CDIN1: variants seen among roughly 807,000 people sequenced by gnomAD.
The protein encoded by CDIN1 is CDAN1 interacting nuclease 1.
A neutral mutation model predicts 45.3 loss-of-function variants in CDIN1; 33 were observed. That is an observed-to-expected ratio of 0.73 (90% CI 0.55 to 0.97). The LOEUF (loss-of-function observed/expected upper bound fraction) is 0.97, where lower values mean the gene tolerates loss of function less well. Among genes scored for constraint, CDIN1 ranks in the 50% least tolerant of loss-of-function variants. The pLI, the probability that CDIN1 is intolerant of heterozygous loss-of-function variation, is 0.00. For missense variants in CDIN1, 303 were observed against 339.4 expected (o/e 0.89, Z 0.84); for synonymous variants, 118 against 124.4 (o/e 0.95, Z 0.34).
At chr15:36,801,767 T>G (rs75352691) in intron 10 of CDIN1, among the ~76,000 whole-genome samples, 13,693 of 152,290 alleles carry the variant, frequency 0.09, 695 homozygotes, top group African/African-American at 0.13. Context: ...TTCCACCTGT[T>G]TGTCAAAGGT....
intron 1 of CDIN1, among the ~76,000 whole-genome samples, chr15:36,605,011 A>T (rs947055583): frequency 5.9e-5 from 9 of 152,202 alleles, no homozygotes; most frequent in African/African-American, 2.2e-4. Flanking sequence ...AGACGGAAGT[A>T]AGGAAGGACA....
chr15:36,779,515 T>G (rs547082307), intron 10 of CDIN1, among the ~76,000 whole-genome samples: 1 of 152,316 alleles, frequency 6.6e-6, no homozygotes, highest in South Asian at 2.1e-4. Flanking sequence ...AAAATGTAGA[T>G]TCCTGAGCCT....
intron 1 of CDIN1, among the ~76,000 whole-genome samples, chr15:36,587,854 A>T (rs2037380028): frequency 6.6e-6 from 1 of 152,214 alleles, no homozygotes; most frequent in Non-Finnish European, 1.5e-5. Context: ...ACCCAAGTAA[A>T]GTCAGGCTCC....
rs143381947 is a variant in CDIN1 at position 36,766,512 on chromosome 15, C to T, written c.717-41812C>T. On this transcript the variant is annotated intron_variant, in intron 10 of 10. Coordinates refer to ENST00000566621, the MANE Select transcript of CDIN1 (RefSeq NM_001321759.2). Reference sequence around the variant, plus strand: ...TTTTCATAGTGGATGTACCATTTTACATTTCCCTCCAACAGCATACAAAGG... The same window carrying T: ...TTTTCATAGTGGATGTACCATTTTATATTTCCCTCCAACAGCATACAAAGG... Among the ~76,000 whole-genome samples, 275 of 152,308 alleles carry T rather than the reference C, an allele frequency of 1.8e-3. 2 individuals carry two copies. Among genetic ancestry groups the T allele is most frequent in the African/African-American group, 6.1e-3 (255 of 41,560 alleles).
intron 1 of CDIN1, among the ~76,000 whole-genome samples, chr15:36,591,394 A>G (rs1253146309): frequency 1.3e-5 from 2 of 152,226 alleles, no homozygotes; most frequent in South Asian, 2.1e-4. Flanking sequence ...AAGATGGTAA[A>G]TGGACTGGGA....
intron 4 of CDIN1, among the ~76,000 whole-genome samples, chr15:36,657,373 A>G (rs981303945): frequency 3.3e-5 from 5 of 152,146 alleles, no homozygotes; most frequent in African/African-American, 7.2e-5. Context: ...TGGATTTGTC[A>G]TATAAGGACA....
intron 1 of CDIN1, among the ~76,000 whole-genome samples, chr15:36,592,500 C>A (rs12907269): frequency 0.87 from 132,105 of 152,044 alleles, 57,492 homozygotes; most frequent in Middle Eastern, 0.96. Flanking sequence ...GATGTTTTTA[C>A]ACCCCCTTTG....
At chr15:36,739,805 T>A (rs2044166731) in intron 10 of CDIN1, among the ~76,000 whole-genome samples, 1 of 152,200 alleles carries the variant, frequency 6.6e-6, no homozygotes, top group Non-Finnish European at 1.5e-5. Flanking sequence ...ACAAAAACCA[T>A]GTTATTGAAT....
intron 10 of CDIN1, among the ~76,000 whole-genome samples, chr15:36,743,316 A>C (rs2044303244): frequency 2.6e-5 from 4 of 152,236 alleles, no homozygotes; most frequent in Admixed American, 2.6e-4. Flanking sequence ...AGAAATAAGC[A>C]GTAGATAATC....
At chr15:36,748,451 C>T (rs1044774113) in intron 10 of CDIN1, among the ~76,000 whole-genome samples, 1 of 152,142 alleles carries the variant, frequency 6.6e-6, no homozygotes, top group Non-Finnish European at 1.5e-5. Flanking sequence ...GAAACCGGTG[C>T]ACTAACAAAC....
chr15:36,723,849 A>G (rs2043525095), intron 10 of CDIN1, among the ~76,000 whole-genome samples: 1 of 152,252 alleles, frequency 6.6e-6, no homozygotes, highest in Non-Finnish European at 1.5e-5. Context: ...CATATTATAT[A>G]TTTCAGCGCA....
At chr15:36,792,201 C>G (rs773572602) in intron 10 of CDIN1, among the ~76,000 whole-genome samples, 1 of 152,182 alleles carries the variant, frequency 6.6e-6, no homozygotes, top group Non-Finnish European at 1.5e-5. Flanking sequence ...CAGCCCCAGC[C>G]CTGGTGGCTC....
chr15:36,651,314 A>C (rs1034799111), intron 3 of CDIN1, among the ~76,000 whole-genome samples: 1 of 152,230 alleles, frequency 6.6e-6, no homozygotes, highest in African/African-American at 2.4e-5. Flanking sequence ...AGACAGAAGC[A>C]AACCATTATA....
chr15:36,597,456 A>G (rs2037891430), intron 1 of CDIN1, among the ~76,000 whole-genome samples: 1 of 152,178 alleles, frequency 6.6e-6, no homozygotes, highest in African/African-American at 2.4e-5. Flanking sequence ...TTATGGCTAA[A>G]GTGGTTTTTT....
intron 5 of CDIN1, among the ~76,000 whole-genome samples, chr15:36,659,404 C>A (rs1333003770): frequency 6.6e-6 from 1 of 152,006 alleles, no homozygotes; most frequent in Non-Finnish European, 1.5e-5. Context: ...AAATGTCTTG[C>A]ATGAATACAC....
chr15:36,791,840 G>A (rs1425474172), intron 10 of CDIN1, among the ~76,000 whole-genome samples: 1 of 152,116 alleles, frequency 6.6e-6, no homozygotes, highest in African/African-American at 2.4e-5. Flanking sequence ...TAGGCTGACA[G>A]GGACTACACC....
At chr15:36,673,807 G>A (rs762144603) in intron 5 of CDIN1, among the ~76,000 whole-genome samples, 56 of 152,182 alleles carry the variant, frequency 3.7e-4, no homozygotes, top group Non-Finnish European at 6.6e-4. Context: ...CAAAATTCTA[G>A]TGTGCATTGA....
chr15:36,681,729 G>A (rs2041858249), intron 5 of CDIN1, among the ~76,000 whole-genome samples: 1 of 152,140 alleles, frequency 6.6e-6, no homozygotes, highest in Admixed American at 6.5e-5. Flanking sequence ...GGTAGATCCC[G>A]AGAGAGTAGA....
rs1017405285 is a variant in CDIN1 at position 36,597,417 on chromosome 15, C to G, written c.101+17456C>G. ...CAACTCTTAAAGCTATCTGTTAATG[C>G]TGGCACTCACTTTCATATAAACCCT... On this transcript the variant is annotated intron_variant, in intron 1 of 10. Transcript: ENST00000566621. Among the ~76,000 whole-genome samples the G allele has an allele frequency of 5.4e-4, 82 of 152,298 alleles. 1 individual carries two copies. Among genetic ancestry groups the G allele is most frequent in the African/African-American group, 1.9e-3 (79 of 41,562 alleles).
Sources: allele counts gnomAD v4.1 joint callset (sites outside exome capture counted in the v4.1 genomes callset), GRCh38; gene constraint gnomAD v4.1.1; transcripts MANE v1.5; gene names NCBI Gene and HGNC (gene_info 2026-07-23, HGNC 2026-07-21).